KLF15: variants seen among roughly 807,000 people sequenced by gnomAD.
KLF15 encodes Krueppel-like factor 15.
A neutral mutation model predicts 24.6 loss-of-function variants in KLF15; 4 were observed. That is an observed-to-expected ratio of 0.16 (90% confidence interval 0.08 to 0.37). KLF15 has a LOEUF of 0.37. KLF15 is among the 10% of genes least tolerant of loss of function. KLF15 has a pLI of 1.00. For synonymous variants in KLF15, 246 were observed against 236.3 expected (o/e 1.04, Z -0.37); for missense variants, 496 against 560.6 (o/e 0.88, Z 1.16).
chr3:126,323,475 A>ATATATATATAACATATATATGT, the KLF15 span, among the ~76,000 whole-genome samples: 63 of 41,144 alleles, frequency 1.5e-3, 5 homozygotes, highest in Admixed American at 0.012. Flanking sequence ...TATATATGTT[A>ATATATATATAACATATATATGT]TATATATATA....
At chr3:126,355,630 C>T (rs1310757508) in intron 1 of KLF15, among the ~76,000 whole-genome samples, 1 of 152,270 alleles carries the variant, frequency 6.6e-6, no homozygotes, top group African/African-American at 2.4e-5. Context: ...TCCTCCCTGT[C>T]TACCTTCCCA....
chr3:126,315,153 G>A, the KLF15 span, among the ~76,000 whole-genome samples: 3 of 152,148 alleles, frequency 2.0e-5, no homozygotes, highest in East Asian at 5.8e-4. Flanking sequence ...CCCCATGTGT[G>A]TGTCTGTGTC....
chr3:126,321,042 G>T, the KLF15 span, among the ~76,000 whole-genome samples: 1 of 152,108 alleles, frequency 6.6e-6, no homozygotes, highest in Non-Finnish European at 1.5e-5. Flanking sequence ...GCGGGGACTT[G>T]ATCCACACAG....
Position 126,352,207 on chromosome 3 carries a change from G to A in KLF15, c.716C>T (p.Pro239Leu), listed in dbSNP as rs2082589143. 1.3e-6 allele frequency: 2 copies of A among 1,548,970 alleles called. No homozygotes were observed. Among genetic ancestry groups the A allele is most frequent in the African/African-American group, 2.7e-5 (2 of 73,108 alleles). ...CTTGACATTCTCTGGGGCTTGCCCA[G>A]GGGAGGCAGGCCCTGTGCCCGATTC... Reference protein sequence around the residue: ...KQESGTGPASPGQAPENVKVA... With the variant: ...KQESGTGPASLGQAPENVKVA... Residue 239 changes from proline to leucine, a missense_variant, in exon 2 of 3, where the codon CCT becomes CTT. By Grantham distance (98) the Pro-to-Leu change is moderately conservative. Around this residue, in one of 3 missense-constraint regions of KLF15, gnomAD observed 399 missense variants for 423.1 expected, o/e 0.94. Transcript: ENST00000296233.
At chr3:126,307,334 C>T in the KLF15 span, among the ~76,000 whole-genome samples, 19 of 152,224 alleles carry the variant, frequency 1.2e-4, no homozygotes, top group Non-Finnish European at 2.5e-4. Flanking sequence ...AATGGGCCAC[C>T]ATCCAGCGGG....
chr3:126,355,084 G>T (rs1343254281), intron 1 of KLF15, among the ~76,000 whole-genome samples: 1 of 152,250 alleles, frequency 6.6e-6, no homozygotes, highest in Non-Finnish European at 1.5e-5. Context: ...GGAATCAGGG[G>T]CCTCCAGCCC....
chr3:126,352,056 C>T lies in KLF15; in HGVS notation c.867G>A (p.Lys289=). 2.0e-6 allele frequency: 3 copies of T among 1,530,614 alleles called. No homozygotes were observed. Among genetic ancestry groups the T allele is most frequent in the Non-Finnish European group, 2.6e-6 (3 of 1,136,792 alleles). 94.8% of individuals were successfully genotyped at this position (1,530,614 alleles called of 1,614,324 possible). ...GCCCCAGGGGTCCCGATCCAACAGG[C>T]TTGGCGGCAATGGGCACAGGGGCAA... ...VRIAPVPIAA[K]PVGSGPLGPG... The change falls in exon 2 of 3, where the codon AAG becomes AAA. Residue 289 remains lysine, a synonymous_variant. Transcript: ENST00000296233.
chr3:126,314,495 G>A, the KLF15 span, among the ~76,000 whole-genome samples: 5,289 of 152,228 alleles, frequency 0.035, 310 homozygotes, highest in African/African-American at 0.12. Context: ...TTAGGGCTCA[G>A]GGCTCCCACA....
the KLF15 span, among the ~76,000 whole-genome samples, chr3:126,329,399 C>T: frequency 1.4e-4 from 22 of 152,100 alleles, no homozygotes; most frequent in Non-Finnish European, 2.4e-4. Context: ...TGTGGCAAAT[C>T]GCTTGAGCCT....
At chr3:126,300,179 G>A in the KLF15 span, among the ~76,000 whole-genome samples, 1 of 152,080 alleles carries the variant, frequency 6.6e-6, no homozygotes, top group Non-Finnish European at 1.5e-5. Flanking sequence ...CCTGGCCAGG[G>A]GACATTAGAG....
At chr3:126,300,000 C>G in the KLF15 span, among the ~76,000 whole-genome samples, 1 of 152,070 alleles carries the variant, frequency 6.6e-6, no homozygotes, top group Non-Finnish European at 1.5e-5. Flanking sequence ...ATGGGGTGTA[C>G]GTGCCCCCAC....
the KLF15 span, among the ~76,000 whole-genome samples, chr3:126,296,707 C>A: frequency 6.6e-6 from 1 of 152,278 alleles, no homozygotes; most frequent in African/African-American, 2.4e-5. Context: ...GTGTAGAAAA[C>A]ACAGTAACTA....
At chr3:126,348,668 A>G (rs557838296) in intron 2 of KLF15, among the ~76,000 whole-genome samples, 44 of 152,320 alleles carry the variant, frequency 2.9e-4, no homozygotes, top group African/African-American at 9.4e-4. Context: ...CTACAGCCTC[A>G]AGGGCAGGGG....
At chr3:126,296,102 T>C in the KLF15 span, among the ~76,000 whole-genome samples, 1 of 152,218 alleles carries the variant, frequency 6.6e-6, no homozygotes, top group African/African-American at 2.4e-5. Flanking sequence ...TATTTAAATA[T>C]TGCATAATAT....
At chr3:126,309,612 C>T in the KLF15 span, among the ~76,000 whole-genome samples, 22 of 152,208 alleles carry the variant, frequency 1.4e-4, no homozygotes, top group South Asian at 6.2e-4. Flanking sequence ...CTACAAGAAA[C>T]GACACTCCCT....
intron 1 of KLF15, among the ~76,000 whole-genome samples, chr3:126,353,286 A>T (rs2082602759): frequency 6.6e-6 from 1 of 152,112 alleles, no homozygotes; most frequent in Non-Finnish European, 1.5e-5. Context: ...GGCTCTCTGG[A>T]CCCCAGGAGG....
chr3:126,298,392 A>C, the KLF15 span, among the ~76,000 whole-genome samples: 1 of 148,864 alleles, frequency 6.7e-6, no homozygotes, highest in Non-Finnish European at 1.5e-5. Context: ...ATTTTCTCCC[A>C]CTTTGCGGGT....
the KLF15 span, among the ~76,000 whole-genome samples, chr3:126,317,176 G>T: frequency 6.6e-6 from 1 of 152,274 alleles, no homozygotes; most frequent in South Asian, 2.1e-4. Context: ...GGGCCGCATT[G>T]CTTCTACATC....
At chr3:126,291,664 TTC>T in the KLF15 span, among the ~76,000 whole-genome samples, 1 of 152,264 alleles carries the variant, frequency 6.6e-6, no homozygotes, top group African/African-American at 2.4e-5. Context: ...GATGTGTGCT[TTC>T]TCCAGGCTCA....
Sources: allele counts gnomAD v4.1 joint callset (sites outside exome capture counted in the v4.1 genomes callset), GRCh38; gene constraint gnomAD v4.1.1; regional missense constraint gnomAD v4.1.1; transcripts MANE v1.5; gene names NCBI Gene and HGNC (gene_info 2026-07-23, HGNC 2026-07-21).